The following CA12 variants were observed in gnomAD, a reference collection of about 807,000 sequenced individuals.
The protein encoded by CA12 is carbonate dehydratase XII.
CA12 carries 36 observed loss-of-function variants against 46.8 expected under a neutral mutation model. The ratio of observed to expected loss-of-function variants is 0.77; its 90% CI spans 0.59 to 1.02. The LOEUF is 1.02. Among genes scored for constraint, CA12 ranks in the 50% least tolerant of loss-of-function variants. The pLI is 0.00. For synonymous variants in CA12, 202 were observed against 187.0 expected, an observed-to-expected ratio of 1.08 and a Z score of -0.65; for missense variants, 436 against 451.4, an observed-to-expected ratio of 0.97 and a Z score of 0.31.
At position 63,345,467 on chromosome 15, in the gene CA12, C is replaced by A. The variant is rs770503991; in HGVS notation, c.429+10G>T. ...AGAGCAGCCTCTGCCAGACTGGCAG[C>A]CCTACTTACCTCGGCGGCGAAGTGC... On this transcript the variant is annotated intron_variant, in intron 4 of 10. Transcript: ENST00000178638. The surrounding 1 kb of genome is among the most constrained non-coding windows in gnomAD (Gnocchi z 4.3). The A allele has an allele frequency of 1.2e-6, 2 of 1,603,966 alleles. No individual in the cohort carries two copies. The highest frequency in any genetic ancestry group is 2.2e-5 in the East Asian group (1 of 44,878).
chr15:63,339,582 A>G lies in CA12; in HGVS notation c.748-637T>C, dbSNP rs1217667714. ...GTGACTCAGAGCAGAAGCTTACTGT[A>G]AAGAGGAGCAGCTGTGAGGCTGCCC... On this transcript the variant is annotated intron_variant, in intron 7 of 10. Transcript: ENST00000178638. The surrounding 1 kb of genome is among the most constrained non-coding windows in gnomAD (Gnocchi z 4.3). Among the ~76,000 whole-genome samples, 1 of 152,244 alleles carries G rather than the reference A, an allele frequency of 6.6e-6. No individual in the cohort carries two copies. Among genetic ancestry groups the G allele is most frequent in the African/African-American group, 2.4e-5 (1 of 41,466 alleles).
rs758718987 is a variant in CA12, at chr15:63,346,723, T to A, written c.107-14A>T. 6.2e-7 allele frequency: 1 copy of A among 1,613,946 alleles called. No individual in the cohort carries two copies. The highest frequency in any genetic ancestry group is 8.5e-7 in the Non-Finnish European group (1 of 1,179,806). ...CCCCATCAGGACCTGGACACAGAGA[T>A]CCATGCTCAAGATTTAGAGTTTCTC... On this transcript the variant is annotated splice_polypyrimidine_tract_variant and intron_variant, in intron 2 of 10. Transcript: ENST00000178638.
At position 63,341,172 on chromosome 15, in the gene CA12, C is replaced by T. The variant is rs1265746163; in HGVS notation, c.526-389G>A. The stretch of plus-strand genomic sequence containing the variant: ...TTGGGAAATGAGGTACATACAGCCT[C>T]ATTAGGAAAAAAAAACATGCAAGCC... On this transcript the variant is annotated intron_variant, in intron 5 of 10. Coordinates refer to ENST00000178638, the MANE Select transcript of CA12 (RefSeq NM_001218.5). The surrounding 1 kb of genome is among the most constrained non-coding windows in gnomAD (Gnocchi z 5.2). Among the ~76,000 whole-genome samples, 2 of 151,852 alleles carry T rather than the reference C, an allele frequency of 1.3e-5. No individual in the cohort carries two copies. Among genetic ancestry groups the T allele is most frequent in the African/African-American group, 4.8e-5 (2 of 41,314 alleles).
At chr15:63,349,830 A>G (rs577605948) in intron 2 of CA12, among the ~76,000 whole-genome samples, 1 of 152,252 alleles carries the variant, frequency 6.6e-6, no homozygotes, top group Non-Finnish European at 1.5e-5. Flanking sequence ...TGCCTGGCAC[A>G]GAGTGGGCCC....
At position 63,372,481 on chromosome 15, in the gene CA12, G is replaced by A. The variant is rs1034834856; in HGVS notation, c.106+3177C>T. On this transcript the variant is annotated intron_variant, in intron 2 of 10. Transcript: ENST00000178638. This position sits in a 1 kb window ranked among gnomAD's most constrained non-coding sequence, Gnocchi z 4.5. ...ATGTAGGGGTAGAACTCCCTTTTTT[G>A]TACTTCTAAAAGTCCTACCATGTGT... Among the ~76,000 whole-genome samples the A allele has an allele frequency of 2.0e-5, 3 of 152,224 alleles. No individual in the cohort carries two copies. The highest frequency in any genetic ancestry group is 7.2e-5 in the African/African-American group (3 of 41,556).
In CA12 at chr15:63,376,600, T is replaced by TTCTTTCTTTCTTTCTTTCTC. The variant is rs10623502; in HGVS notation, c.86-923_86-922insGAGAAAGAAAGAAAGAAAGA. ...TTTCTTTCTTTCTTTCTTTCTTTCT[T>TTCTTTCTTTCTTTCTTTCTC]TCTCTCTCTCTCGCTCTCTCTCTTT... is the stretch of plus-strand genomic sequence containing the variant. On this transcript the variant is annotated intron_variant, in intron 1 of 10. Transcript: ENST00000178638. 2.7e-3 allele frequency among the ~76,000 whole-genome samples: 356 copies of TTCTTTCTTTCTTTCTTTCTC among 134,160 alleles called. 1 individual carries two copies. The highest frequency in any genetic ancestry group is 7.1e-3 in the African/African-American group (261 of 36,514). The allele number at this position is 134,160 out of a possible 152,430, so 88.0% of individuals were successfully genotyped here.
At position 63,348,526 on chromosome 15, in the gene CA12, G is replaced by A. The variant is rs916101153; in HGVS notation, c.107-1817C>T. On this transcript the variant is annotated intron_variant, in intron 2 of 10. Coordinates refer to ENST00000178638, the MANE Select transcript of CA12 (RefSeq NM_001218.5). This position sits in a 1 kb window ranked among gnomAD's most constrained non-coding sequence, Gnocchi z 4.6. ...GCACAGGGTAAGACTCCCTAAGTGA[G>A]GCTGCCAGCCTTTTCTGTGCTCACA... 1.3e-5 allele frequency among the ~76,000 whole-genome samples: 2 copies of A among 152,238 alleles called. No homozygotes were observed. The highest frequency in any genetic ancestry group is 1.3e-4 in the Admixed American group (2 of 15,280).
chr15:63,327,295 C>T lies in CA12; in HGVS notation c.908-62G>A, dbSNP rs1476677394. On this transcript the variant is annotated intron_variant, in intron 9 of 10. Coordinates refer to ENST00000178638, the MANE Select transcript of CA12 (RefSeq NM_001218.5). This position sits in a 1 kb window ranked among gnomAD's most constrained non-coding sequence, Gnocchi z 4.5. ...CCTTCCCCTCCATCTTAGCCCATGG[C>T]CCCCGGGTGTGAAATCATGGCCCAG... The T allele has an allele frequency of 1.5e-6, 2 of 1,323,760 alleles. No individual in the cohort carries two copies. The highest frequency in any genetic ancestry group is 2.1e-6 in the Non-Finnish European group (2 of 934,344). 82.0% of individuals were successfully genotyped at this position (1,323,760 alleles called of 1,614,324 possible).
At position 63,324,596 on chromosome 15, in the gene CA12, C is replaced by T. The variant is rs1211313158; in HGVS notation, c.*1689G>A. 6.6e-6 allele frequency: 1 copy of T among 152,110 alleles called. No homozygotes were observed. Among genetic ancestry groups the T allele is most frequent in the Non-Finnish European group, 1.5e-5 (1 of 68,072 alleles). The allele number at this position is 152,110 out of a possible 1,614,324, so 9.4% of individuals were successfully genotyped here. A position where few individuals can be genotyped will look rare whatever the true frequency, so the allele number is the denominator to read the frequency against. On this transcript the variant is annotated 3_prime_UTR_variant, in exon 11 of 11. Coordinates refer to ENST00000178638, the MANE Select transcript of CA12 (RefSeq NM_001218.5). ...GAGAGACACACACACATTTGAGCTC[C>T]CATTAGGTCACTTGTAACTTTGCCT...
chr15:63,377,428 T>C (rs1233427685), intron 1 of CA12, among the ~76,000 whole-genome samples: 3 of 152,206 alleles, frequency 2.0e-5, no homozygotes, highest in Non-Finnish European at 2.9e-5. Context: ...CTCCTGGCAT[T>C]TCCTACTTAA....
chr15:63,332,846 G>A (rs2038953573), intron 8 of CA12, among the ~76,000 whole-genome samples: 1 of 152,140 alleles, frequency 6.6e-6, no homozygotes, highest in South Asian at 2.1e-4. Context: ...CTTTCAACAA[G>A]CTTATATTGA....
chr15:63,354,443 AG>A (rs112570562), intron 2 of CA12, among the ~76,000 whole-genome samples: 8,817 of 152,208 alleles, frequency 0.058, 861 homozygotes, highest in African/African-American at 0.2. Flanking sequence ...CTGGAGACGG[AG>A]GGTTGAGACT....
chr15:63,334,562 A>C (rs531272190), intron 8 of CA12, among the ~76,000 whole-genome samples: 2 of 152,082 alleles, frequency 1.3e-5, no homozygotes, highest in Non-Finnish European at 2.9e-5. Context: ...CCAATGGAAG[A>C]GGCACTTTTT....
chr15:63,354,691 T>C (rs145477606), intron 2 of CA12, among the ~76,000 whole-genome samples: 5 of 152,306 alleles, frequency 3.3e-5, no homozygotes, highest in East Asian at 1.9e-4. Context: ...TCTGTGGCTC[T>C]AGTCACAGGG....
At chr15:63,346,208 T>C (rs1054003550) in intron 3 of CA12, among the ~76,000 whole-genome samples, 1 of 152,168 alleles carries the variant, frequency 6.6e-6, no homozygotes, top group African/African-American at 2.4e-5. Context: ...CCAAACTGTG[T>C]GGTTCCTTGA....
intron 8 of CA12, among the ~76,000 whole-genome samples, chr15:63,335,720 G>A (rs1320128444): frequency 6.6e-6 from 1 of 152,000 alleles, no homozygotes; most frequent in Admixed American, 6.6e-5. Context: ...CCCTGAGTAA[G>A]CCAGACCCTA....
At chr15:63,354,907 T>C (rs1456095653) in intron 2 of CA12, among the ~76,000 whole-genome samples, 1 of 152,090 alleles carries the variant, frequency 6.6e-6, no homozygotes, top group Admixed American at 6.5e-5. Context: ...GGGTGGGGGA[T>C]GAGGCGGGGA....
intron 2 of CA12, among the ~76,000 whole-genome samples, chr15:63,350,477 C>T (rs2039214795): frequency 6.6e-6 from 1 of 152,196 alleles, no homozygotes; most frequent in Non-Finnish European, 1.5e-5. Flanking sequence ...TTTGACTTCG[C>T]CTCTCCAGTT....
chr15:63,379,222 A>G (rs2039613908), intron 1 of CA12: 1 of 152,106 alleles, frequency 6.6e-6, no homozygotes, highest in East Asian at 1.9e-4. Context: ...TTTGGGTATA[A>G]ATGGCAGTGT....
Sources: allele counts gnomAD v4.1 joint callset (sites outside exome capture counted in the v4.1 genomes callset), GRCh38; gene constraint gnomAD v4.1.1; non-coding constraint Gnocchi (gnomAD v3.1); transcripts MANE v1.5; gene names NCBI Gene and HGNC (gene_info 2026-07-23, HGNC 2026-07-21).